The following HECW2 variants were observed in gnomAD, a reference collection of about 807,000 sequenced individuals.
The protein encoded by HECW2 is E3 ubiquitin-protein ligase HECW2.
A neutral mutation model predicts 175.2 loss-of-function variants in HECW2; 61 were observed. That is an observed-to-expected ratio of 0.35 (90% CI 0.28 to 0.43). The LOEUF (loss-of-function observed/expected upper bound fraction) is 0.43, where lower values mean the gene tolerates loss of function less well. Ranked by LOEUF, HECW2 falls within the 20% of genes least tolerant of loss-of-function variation. HECW2 has a pLI of 1.00. For missense variants in HECW2, 1,524 were observed against 2,000.5 expected (o/e 0.76, Z 4.54); for synonymous variants, 671 against 731.0 (o/e 0.92, Z 1.32).
chr2:196,325,941 GAC>G (rs895824394), intron 5 of HECW2, among the ~76,000 whole-genome samples: 6 of 152,318 alleles, frequency 3.9e-5, no homozygotes, highest in African/African-American at 1.4e-4. Context: ...CAGGCTAAGA[GAC>G]ACAAACATGT....
chr2:196,292,842 A>G, intron 13 of HECW2, 92 bp from the exon 14 acceptor site: 1 of 971,744 alleles, frequency 1.0e-6, no homozygotes, highest in Middle Eastern at 2.2e-4. Context: ...ATCTTCCAAT[A>G]AGTAATGAAA....
chr2:196,409,383 C>T (rs1695048530), intron 2 of HECW2, among the ~76,000 whole-genome samples: 1 of 152,134 alleles, frequency 6.6e-6, no homozygotes, highest in Admixed American at 6.5e-5. Flanking sequence ...GGATCTAAAA[C>T]TTGGGATTTT....
intron 1 of HECW2, among the ~76,000 whole-genome samples, chr2:196,442,119 T>C (rs937711681): frequency 6.6e-6 from 1 of 152,114 alleles, no homozygotes; most frequent in Non-Finnish European, 1.5e-5. Flanking sequence ...TCATTAAATA[T>C]GCAACTAGAT....
intron 1 of HECW2, among the ~76,000 whole-genome samples, chr2:196,483,099 A>G (rs1686897472): frequency 6.6e-6 from 1 of 151,490 alleles, no homozygotes; most frequent in Non-Finnish European, 1.5e-5. Flanking sequence ...AGTTGTAAAA[A>G]AAAAAAAAAA....
intron 1 of HECW2, among the ~76,000 whole-genome samples, chr2:196,553,279 AG>A (rs1174141057): frequency 6.6e-6 from 1 of 152,228 alleles, no homozygotes; most frequent in Admixed American, 6.5e-5. Flanking sequence ...TTTGGAACCA[AG>A]TTAATTGAAG....
intron 13 of HECW2, among the ~76,000 whole-genome samples, chr2:196,301,722 A>ATTTT (rs1559022815): frequency 8.5e-6 from 1 of 117,386 alleles, no homozygotes; most frequent in South Asian, 2.7e-4. Context: ...TTTTAATGGG[A>ATTTT]TTGTTTTTTT....
At chr2:196,369,996 T>A (rs1276384815) in intron 2 of HECW2, among the ~76,000 whole-genome samples, 1 of 151,812 alleles carries the variant, frequency 6.6e-6, no homozygotes, top group Non-Finnish European at 1.5e-5. Flanking sequence ...AGGACACCAG[T>A]GGGGAGTGTC....
intron 1 of HECW2, among the ~76,000 whole-genome samples, chr2:196,492,471 A>G (rs1414385432): frequency 6.6e-6 from 1 of 152,198 alleles, no homozygotes; most frequent in East Asian, 1.9e-4. Context: ...GTAAATAGGA[A>G]AAAAAATTCA....
chr2:196,376,804 T>A (rs1694064384), intron 2 of HECW2, among the ~76,000 whole-genome samples: 2 of 150,618 alleles, frequency 1.3e-5, no homozygotes, highest in Non-Finnish European at 3.0e-5. Flanking sequence ...TGTGGTGGCA[T>A]GCACCTGTAA....
chr2:196,233,797 A>AG (rs949839903), intron 21 of HECW2, among the ~76,000 whole-genome samples: 7 of 152,228 alleles, frequency 4.6e-5, no homozygotes, highest in African/African-American at 1.7e-4. Flanking sequence ...GAAGCTTCAC[A>AG]GATTTCTGAG....
At chr2:196,271,349 A>G (rs756837379) in intron 16 of HECW2, 60 bp from the exon 17 acceptor site, 1 of 1,270,954 alleles carries the variant, frequency 7.9e-7, no homozygotes, top group African/African-American at 1.5e-5. Context: ...AGTTTTATGT[A>G]TATAAATCCA....
intron 2 of HECW2, among the ~76,000 whole-genome samples, chr2:196,428,105 G>A (rs1168682372): frequency 6.6e-6 from 1 of 152,110 alleles, no homozygotes; most frequent in Non-Finnish European, 1.5e-5. Flanking sequence ...TAAGCCAAGA[G>A]AAACACAATC....
chr2:196,401,277 C>G (rs1694810419), intron 2 of HECW2, among the ~76,000 whole-genome samples: 1 of 152,112 alleles, frequency 6.6e-6, no homozygotes, highest in African/African-American at 2.4e-5. Flanking sequence ...GGAGTACTAT[C>G]AAGAAGTTAT....
At chr2:196,505,294 T>A (rs1400237277) in intron 1 of HECW2, among the ~76,000 whole-genome samples, 1 of 152,156 alleles carries the variant, frequency 6.6e-6, no homozygotes, top group African/African-American at 2.4e-5. Flanking sequence ...ATCCCAGCAC[T>A]TTGGGAAGCT....
intron 1 of HECW2, among the ~76,000 whole-genome samples, chr2:196,579,995 A>G (rs1690712022): frequency 6.6e-6 from 1 of 152,246 alleles, no homozygotes; most frequent in South Asian, 2.1e-4. Flanking sequence ...AACCAATACA[A>G]CATGATAACA....
At chr2:196,446,121 T>C (rs1049113483) in intron 1 of HECW2, among the ~76,000 whole-genome samples, 2 of 152,190 alleles carry the variant, frequency 1.3e-5, no homozygotes, top group Non-Finnish European at 2.9e-5. Context: ...GACCTCATCT[T>C]TTGCTACTAC....
intron 19 of HECW2, among the ~76,000 whole-genome samples, chr2:196,247,966 A>G (rs1478943881): frequency 6.6e-6 from 1 of 152,190 alleles, no homozygotes; most frequent in Admixed American, 6.5e-5. Context: ...TTTAAAACAA[A>G]TGCCCTGTGA....
chr2:196,470,508 T>G (rs907418789), intron 1 of HECW2, among the ~76,000 whole-genome samples: 8 of 152,194 alleles, frequency 5.3e-5, no homozygotes, highest in Admixed American at 5.2e-4. Context: ...TGCTTTCATA[T>G]TGAAGTTGTG....
At chr2:196,347,351 C>G (rs537084254) in intron 2 of HECW2, among the ~76,000 whole-genome samples, 2 of 151,982 alleles carry the variant, frequency 1.3e-5, no homozygotes, top group African/African-American at 4.8e-5. Context: ...TAAGCCACCA[C>G]GCCTGGCTAA....
Sources: allele counts gnomAD v4.1 joint callset (sites outside exome capture counted in the v4.1 genomes callset), GRCh38; gene constraint gnomAD v4.1.1; transcripts MANE v1.5; gene names NCBI Gene and HGNC (gene_info 2026-07-23, HGNC 2026-07-21).